The following IGSF11 variants were observed in gnomAD, a reference collection of about 807,000 sequenced individuals.
IGSF11 encodes CXADR like 1.
Under a neutral mutation model 41.0 loss-of-function variants are expected in IGSF11, and 22 were observed. The observed-to-expected ratio is 0.54, with a 90% CI of 0.38 to 0.77. The LOEUF (loss-of-function observed/expected upper bound fraction) is 0.77. IGSF11 is among the 30% of genes least tolerant of loss of function. IGSF11 has a pLI of 0.00. For missense variants in IGSF11, 444 were observed against 530.8 expected (o/e 0.84, Z 1.61); for synonymous variants, 219 against 201.3 (o/e 1.09, Z -0.74).
intron 1 of IGSF11, among the ~76,000 whole-genome samples, chr3:119,081,557 T>G (rs2117768): frequency 0.61 from 92,307 of 152,122 alleles, 29,824 homozygotes; most frequent in African/African-American, 0.85. Context: ...TTAAAAAGCG[T>G]TTCTTTTCTA....
intron 1 of IGSF11, among the ~76,000 whole-genome samples, chr3:118,943,915 A>C (rs894544323): frequency 6.6e-6 from 1 of 152,248 alleles, no homozygotes; most frequent in Non-Finnish European, 1.5e-5. Context: ...TCATATGACA[A>C]AAGTGGCTAA....
At chr3:118,974,180 G>A (rs1288720435) in intron 1 of IGSF11, among the ~76,000 whole-genome samples, 5 of 152,070 alleles carry the variant, frequency 3.3e-5, no homozygotes. Flanking sequence ...AAAGTGGGTT[G>A]GTCTCTCTTC....
rs1280423407 is a variant in IGSF11, at chr3:118,930,122, T to C, written c.206A>G (p.Gln69Arg). 6.2e-7 allele frequency: 1 copy of C among 1,612,918 alleles called. No homozygotes were observed. The highest frequency in any genetic ancestry group is 8.5e-7 in the Non-Finnish European group (1 of 1,179,516). ...ATGCAACAGAAATACCTGTTCAGGT[T>C]GGTTGGCATTGGAGAGAGGAGTGAC... Reference protein sequence around the residue: ...WMVTPLSNANQPEQVILYQGG... With the variant: ...WMVTPLSNANRPEQVILYQGG... Residue 69 changes from glutamine to arginine, a missense_variant, in exon 2 of 7, where the codon CAA (glutamine) becomes CGA (arginine). Transcript: ENST00000393775.
At chr3:118,987,024 C>T (rs577129880) in intron 1 of IGSF11, among the ~76,000 whole-genome samples, 1 of 152,180 alleles carries the variant, frequency 6.6e-6, no homozygotes, top group Non-Finnish European at 1.5e-5. Context: ...TTTATCTAGA[C>T]ATCTGTCCAC....
upstream of IGSF11, among the ~76,000 whole-genome samples, chr3:119,036,890 A>G (rs908983470): frequency 6.6e-6 from 1 of 152,192 alleles, no homozygotes; most frequent in African/African-American, 2.4e-5. Flanking sequence ...TTCAATAGAA[A>G]AAAAAAAGTG....
chr3:118,924,240 AT>A lies in IGSF11; in HGVS notation c.580+1860del, dbSNP rs769542248. 1.2e-4 allele frequency among the ~76,000 whole-genome samples: 18 copies of A among 152,274 alleles called. 1 individual carries two copies. Among genetic ancestry groups the A allele is most frequent in the Non-Finnish European group, 1.8e-4 (12 of 68,006 alleles). Reference sequence around the variant, plus strand: ...AAGCTAGTCTCTACATATAAGAGAAATTCAAATCTCAAAATATTATTCCTCT... The same window carrying A: ...AAGCTAGTCTCTACATATAAGAGAAATCAAATCTCAAAATATTATTCCTCT... On this transcript the variant is annotated intron_variant, in intron 4 of 6. Transcript: ENST00000393775.
At chr3:119,118,757 G>A (rs1305825720) in intron 1 of IGSF11, among the ~76,000 whole-genome samples, 1 of 152,100 alleles carries the variant, frequency 6.6e-6, no homozygotes. Context: ...TTTCAAAATT[G>A]AATGACTTTG....
chr3:118,954,497 C>G (rs1341375798), intron 1 of IGSF11, among the ~76,000 whole-genome samples: 1 of 152,108 alleles, frequency 6.6e-6, no homozygotes, highest in Non-Finnish European at 1.5e-5. Flanking sequence ...GGGTTGGAAT[C>G]AACTTCTTAC....
intron 1 of IGSF11, among the ~76,000 whole-genome samples, chr3:119,056,506 G>A (rs1941840966): frequency 6.6e-6 from 1 of 152,152 alleles, no homozygotes; most frequent in African/African-American, 2.4e-5. Context: ...AAAAAGTCCA[G>A]GACCAGATGG....
intron 1 of IGSF11, among the ~76,000 whole-genome samples, chr3:118,994,901 G>T (rs976369735): frequency 3.3e-5 from 5 of 152,144 alleles, no homozygotes. Context: ...GACAGGAGAG[G>T]AATGGTACAG....
chr3:118,954,758 G>A (rs1465935550), intron 1 of IGSF11, among the ~76,000 whole-genome samples: 1 of 152,086 alleles, frequency 6.6e-6, no homozygotes, highest in Admixed American at 6.6e-5. Flanking sequence ...TCTTAAATAG[G>A]AAGACTTGAT....
intron 4 of IGSF11, among the ~76,000 whole-genome samples, chr3:118,909,862 G>A (rs1430536553): frequency 1.3e-5 from 2 of 152,200 alleles, no homozygotes; most frequent in East Asian, 1.9e-4. Flanking sequence ...TGCCATTCAA[G>A]TATTCACAAG....
At chr3:119,114,951 A>C (rs1488918345) in intron 1 of IGSF11, among the ~76,000 whole-genome samples, 1 of 152,202 alleles carries the variant, frequency 6.6e-6, no homozygotes, top group East Asian at 1.9e-4. Flanking sequence ...GGAAGCAGAC[A>C]TGTCCTACAT....
intron 1 of IGSF11, among the ~76,000 whole-genome samples, chr3:119,040,612 A>G (rs1284569648): frequency 6.6e-6 from 1 of 152,224 alleles, no homozygotes; most frequent in East Asian, 1.9e-4. Flanking sequence ...TAACATAGTC[A>G]ATTATTTTAA....
upstream of IGSF11, among the ~76,000 whole-genome samples, chr3:119,109,877 A>C (rs2077114612): frequency 6.6e-6 from 1 of 152,146 alleles, no homozygotes. Flanking sequence ...CAGGTTGTTC[A>C]GTTTCCATGT....
At chr3:118,965,906 T>G (rs554973757) in intron 1 of IGSF11, among the ~76,000 whole-genome samples, 1 of 152,164 alleles carries the variant, frequency 6.6e-6, no homozygotes, top group South Asian at 2.1e-4. Context: ...TTATTTTATA[T>G]TCAGCAGTTG....
In IGSF11 at chr3:119,017,039, C is replaced by CCAAAAAAAAA. The variant is rs1553713302; in HGVS notation, c.52+17491_52+17492insTTTTTTTTTG. Among the ~76,000 whole-genome samples the CCAAAAAAAAA allele has an allele frequency of 1.0e-4, 9 of 88,320 alleles. 1 individual carries two copies. The highest frequency in any genetic ancestry group is 1.1e-4 in the Admixed American group (1 of 8,866). The allele number at this position is 88,320 out of a possible 152,430, so 57.9% of individuals were successfully genotyped here. ...TGAGCAAAGTTAAATGGACGCAGGA[C>CCAAAAAAAAA]AAAAAAAAAAAAAAAAAAGCCAACT... On this transcript the variant is annotated intron_variant, in intron 1 of 6. Transcript: ENST00000393775.
At chr3:119,045,736 A>C (rs2107752745) in intron 1 of IGSF11, among the ~76,000 whole-genome samples, 1 of 152,072 alleles carries the variant, frequency 6.6e-6, no homozygotes, top group East Asian at 1.9e-4. Flanking sequence ...GCACACTTAA[A>C]TGTCCCTGTC....
At position 118,904,679 on chromosome 3, in the gene IGSF11, C is replaced by T. The variant is rs754518581; in HGVS notation, c.823G>A (p.Glu275Lys). The part of the protein sequence containing the change: ...FFYWRSKNKE[E>K]EEEEIPNEIR... ...TCATTAGGAATTTCTTCTTCTTCCT[C>T]CTCTTTATTTTTGCTTCTCCAGTAA... The change falls in exon 6 of 7, where the codon GAG (glutamate) becomes AAG (lysine). Residue 275 changes from glutamate to lysine, a missense_variant. Glu to Lys is a moderately conservative substitution (Grantham distance 56). This residue lies in a region of IGSF11 where 223 missense variants were observed against 226.2 expected (regional missense o/e 0.99). Coordinates refer to ENST00000393775, the MANE Select transcript of IGSF11 (RefSeq NM_001015887.3). 1 of 1,611,532 alleles carries T rather than the reference C, an allele frequency of 6.2e-7. No homozygotes were observed. The highest frequency in any genetic ancestry group is 1.3e-5 in the African/African-American group (1 of 74,742).
Sources: allele counts gnomAD v4.1 joint callset (sites outside exome capture counted in the v4.1 genomes callset), GRCh38; gene constraint gnomAD v4.1.1; regional missense constraint gnomAD v4.1.1; transcripts MANE v1.5; gene names NCBI Gene and HGNC (gene_info 2026-07-23, HGNC 2026-07-21).